The following EPHB2 variants were observed in gnomAD, a reference collection of about 807,000 sequenced individuals.
The protein encoded by EPHB2 is ephrin type-B receptor 2.
In EPHB2, 18 loss-of-function variants were observed where a neutral mutation model predicts 96.4. That is an observed-to-expected ratio of 0.19 (90% CI 0.13 to 0.28). The LOEUF (loss-of-function observed/expected upper bound fraction) is 0.28. EPHB2 is among the 10% of genes least tolerant of loss of function. The pLI, the probability that EPHB2 is intolerant of heterozygous loss-of-function variation, is 1.00. For missense variants in EPHB2, 989 were observed against 1,355.4 expected, an observed-to-expected ratio of 0.73 and a Z score of 4.25; for synonymous variants, 506 against 534.1, an observed-to-expected ratio of 0.95 and a Z score of 0.72.
At chr1:22,819,610 C>T (rs1343464306) in intron 3 of EPHB2, among the ~76,000 whole-genome samples, 2 of 152,222 alleles carry the variant, frequency 1.3e-5, no homozygotes, top group East Asian at 1.9e-4. Context: ...TCCTGACCAC[C>T]CCGGGACAGA....
intron 6 of EPHB2, among the ~76,000 whole-genome samples, chr1:22,888,548 C>G (rs998231933): frequency 6.6e-6 from 1 of 152,228 alleles, no homozygotes; most frequent in South Asian, 2.1e-4. Flanking sequence ...CAATGCCTCA[C>G]TGGCCCTAAG....
chr1:22,816,839 G>A (rs868256590), intron 3 of EPHB2, among the ~76,000 whole-genome samples: 1 of 152,222 alleles, frequency 6.6e-6, no homozygotes, highest in African/African-American at 2.4e-5. Context: ...CACCCTGGGG[G>A]AGATGGGGGC....
intron 2 of EPHB2, among the ~76,000 whole-genome samples, chr1:22,782,233 C>CA (rs1644543525): frequency 6.6e-6 from 1 of 152,196 alleles, no homozygotes; most frequent in South Asian, 2.1e-4. Flanking sequence ...TTTTAGACCT[C>CA]ACAAGACTGT....
Position 22,784,666 on chromosome 1 carries a change from C to T in EPHB2, c.401C>T (p.Pro134Leu). 1 of 1,614,080 alleles carries T rather than the reference C, an allele frequency of 6.2e-7. No homozygotes were observed. Among genetic ancestry groups the T allele is most frequent in the Non-Finnish European group, 8.5e-7 (1 of 1,180,032 alleles). ...ACCTTCCCCAACTGGATGGAGAATCCATGGGTGAAGGTGGATACCATTGCA... is the reference window on the plus strand; with the variant it reads ...ACCTTCCCCAACTGGATGGAGAATCTATGGGTGAAGGTGGATACCATTGCA... ...TKTFPNWMEN[P>L]WVKVDTIAAD... Residue 134 changes from proline to leucine, a missense_variant, in exon 3 of 16, where the codon CCA (proline) becomes CTA (leucine). By Grantham distance (98) the Pro-to-Leu change is moderately conservative (BLOSUM62 -3). Coordinates refer to ENST00000374630, the MANE Select transcript of EPHB2 (RefSeq NM_017449.5). The surrounding 1 kb of genome is among the most constrained non-coding windows in gnomAD (Gnocchi z 5.1).
At chr1:22,912,299 T>TA in intron 14 of EPHB2, 145 bp from the exon 15 acceptor site, 1 of 1,162,364 alleles carries the variant, frequency 8.6e-7, no homozygotes, top group Non-Finnish European at 1.2e-6. Flanking sequence ...CATGCAGAAA[T>TA]ACTCACGTAC....
At chr1:22,877,110 C>T (rs1006742157) in intron 5 of EPHB2, among the ~76,000 whole-genome samples, 2 of 152,162 alleles carry the variant, frequency 1.3e-5, no homozygotes, top group Non-Finnish European at 1.5e-5. Flanking sequence ...CAGGGGCCCT[C>T]GGAGGTCCGC....
chr1:22,877,146 C>T (rs1001356554), intron 5 of EPHB2, among the ~76,000 whole-genome samples: 10 of 152,284 alleles, frequency 6.6e-5, no homozygotes, highest in African/African-American at 1.9e-4. Context: ...CCTGGTCAGC[C>T]GGCATCAGCC....
At chr1:22,848,268 G>T (rs1458329212) in intron 3 of EPHB2, among the ~76,000 whole-genome samples, 6 of 152,130 alleles carry the variant, frequency 3.9e-5, no homozygotes, top group Non-Finnish European at 8.8e-5. Flanking sequence ...TAGGCCTCCA[G>T]AACTCTGCTG....
intron 3 of EPHB2, among the ~76,000 whole-genome samples, chr1:22,803,536 G>A (rs904545803): frequency 5.3e-5 from 8 of 151,278 alleles, no homozygotes; most frequent in Non-Finnish European, 8.8e-5. Context: ...GGGCCAGGAG[G>A]TCCAAGCTGC....
rs112781593 is a variant in EPHB2, at chr1:22,853,332, G to A, written c.812-9705G>A. Among the ~76,000 whole-genome samples the A allele has an allele frequency of 5.3e-3, 811 of 152,314 alleles. 3 individuals carry two copies. Among genetic ancestry groups the A allele is most frequent in the Non-Finnish European group, 6.4e-3 (437 of 68,022 alleles). Reference sequence around the variant, plus strand: ...CGCGCCGCTGCACTCCAGCCTGGGCGACAAACAATTCCTGAAGCCTCTATC... The same window carrying A: ...CGCGCCGCTGCACTCCAGCCTGGGCAACAAACAATTCCTGAAGCCTCTATC... On this transcript the variant is annotated intron_variant, in intron 3 of 15. Transcript: ENST00000374630.
chr1:22,880,251 C>G (rs1638991747), intron 5 of EPHB2, among the ~76,000 whole-genome samples: 1 of 152,156 alleles, frequency 6.6e-6, no homozygotes. Context: ...ATGGGTGAGT[C>G]AGCTCCAGCC....
chr1:22,913,910 G>A lies in EPHB2; in HGVS notation c.*340G>A. The A allele has an allele frequency of 1.3e-6, 2 of 1,522,820 alleles. No individual in the cohort carries two copies. The highest frequency in any genetic ancestry group is 1.3e-5 in the South Asian group (1 of 75,424). The allele number at this position is 1,522,820 out of a possible 1,614,324, so 94.3% of individuals were successfully genotyped here. Reference sequence around the variant, plus strand: ...GATTCATGCGATGTGTCCAATCGGAGACAAAAGCAGTTTCTCTCCAACTCC... The same window carrying A: ...GATTCATGCGATGTGTCCAATCGGAAACAAAAGCAGTTTCTCTCCAACTCC... On this transcript the variant is annotated 3_prime_UTR_variant, in exon 16 of 16. Transcript: ENST00000374630. This position sits in a 1 kb window ranked among gnomAD's most constrained non-coding sequence, Gnocchi z 4.1.
At chr1:22,720,673 C>CA (rs1389860328) in intron 1 of EPHB2, among the ~76,000 whole-genome samples, 10 of 122,402 alleles carry the variant, frequency 8.2e-5, no homozygotes, top group Admixed American at 6.4e-4. Context: ...CCCCCCCCCC[C>CA]GCCCCAGCAC....
chr1:22,798,457 C>G (rs1644798139), intron 3 of EPHB2, among the ~76,000 whole-genome samples: 1 of 151,134 alleles, frequency 6.6e-6, no homozygotes, highest in Non-Finnish European at 1.5e-5. Context: ...TTCAGTCTTA[C>G]CCATTTTTTT....
At chr1:22,761,729 A>T (rs1644239015) in intron 1 of EPHB2, among the ~76,000 whole-genome samples, 1 of 152,080 alleles carries the variant, frequency 6.6e-6, no homozygotes, top group Non-Finnish European at 1.5e-5. Context: ...TTCCCTGCCA[A>T]TGCCCAGTTG....
chr1:22,714,939 A>G (rs772267122), intron 1 of EPHB2, among the ~76,000 whole-genome samples: 44 of 152,286 alleles, frequency 2.9e-4, no homozygotes, highest in South Asian at 6.2e-4. Flanking sequence ...GTTGTGCTTC[A>G]TGAAACCCAT....
intron 1 of EPHB2, among the ~76,000 whole-genome samples, chr1:22,745,182 C>T (rs1389352553): frequency 6.6e-6 from 1 of 152,178 alleles, no homozygotes; most frequent in Non-Finnish European, 1.5e-5. Context: ...CTGGAAACAA[C>T]CCAAATGTCC....
At chr1:22,827,496 C>T (rs1220523552) in intron 3 of EPHB2, among the ~76,000 whole-genome samples, 2 of 152,232 alleles carry the variant, frequency 1.3e-5, no homozygotes, top group Non-Finnish European at 2.9e-5. Flanking sequence ...CTTTGCTGTC[C>T]GTCAAGCCTG....
intron 1 of EPHB2, among the ~76,000 whole-genome samples, chr1:22,743,090 C>A (rs1489955110): frequency 6.6e-6 from 1 of 152,064 alleles, no homozygotes; most frequent in Non-Finnish European, 1.5e-5. Flanking sequence ...TCGAGTCTCA[C>A]TATGTTGCCC....
Sources: gnomAD v4.1 joint callset for allele counts (sites outside exome capture counted in the v4.1 genomes callset) on GRCh38, gnomAD v4.1.1 for gene constraint, Gnocchi (gnomAD v3.1) non-coding constraint, MANE v1.5 for transcripts, NCBI Gene and HGNC (gene_info 2026-07-23, HGNC 2026-07-21) for gene names.